Variants in WWOX observed in about 807,000 individuals in gnomAD.
The protein encoded by WWOX is WW domain-containing oxidoreductase.
A neutral mutation model predicts 46.2 loss-of-function variants in WWOX; 69 were observed. That is an observed-to-expected ratio of 1.49 (90% CI 1.23 to 1.82). WWOX has a LOEUF of 1.82. WWOX is among the 40% of genes most tolerant of loss of function. The probability of loss-of-function intolerance (pLI) is 0.00; values close to 1 mark genes in which losing one functional copy is unlikely to be tolerated. For synonymous variants in WWOX, 359 were observed against 202.6 expected, an observed-to-expected ratio of 1.77 and a Z score of -6.56; for missense variants, 919 against 542.6, an observed-to-expected ratio of 1.69 and a Z score of -6.89.
At chr16:78,585,890 A>G (rs926933324) in intron 8 of WWOX, among the ~76,000 whole-genome samples, 7 of 151,762 alleles carry the variant, frequency 4.6e-5, no homozygotes, top group Non-Finnish European at 1.0e-4. Flanking sequence ...CAAGCTGCGC[A>G]TCTTCCTTCC....
At chr16:78,599,273 G>A (rs1209933190) in intron 8 of WWOX, among the ~76,000 whole-genome samples, 1 of 152,194 alleles carries the variant, frequency 6.6e-6, no homozygotes, top group Non-Finnish European at 1.5e-5. Flanking sequence ...AGCTTTGTCT[G>A]TGAACCTCCG....
chr16:78,482,325 G>A (rs1014120768), intron 8 of WWOX, among the ~76,000 whole-genome samples: 7 of 151,988 alleles, frequency 4.6e-5, no homozygotes, highest in Non-Finnish European at 1.0e-4. Flanking sequence ...AACCTCTGTC[G>A]ATTCTCCTTC....
intron 5 of WWOX, among the ~76,000 whole-genome samples, chr16:78,269,559 T>A (rs945640176): frequency 2.0e-5 from 3 of 152,184 alleles, no homozygotes; most frequent in African/African-American, 7.2e-5. Flanking sequence ...GACTCGGAGA[T>A]CAGCAGTCCG....
intron 8 of WWOX, among the ~76,000 whole-genome samples, chr16:79,060,031 G>A (rs2048330946): frequency 6.6e-6 from 1 of 152,102 alleles, no homozygotes; most frequent in South Asian, 2.1e-4. Flanking sequence ...GTACAAAGCT[G>A]ATAAATAACT....
chr16:78,912,583 T>C (rs2045140447), intron 8 of WWOX, among the ~76,000 whole-genome samples: 1 of 152,052 alleles, frequency 6.6e-6, no homozygotes, highest in African/African-American at 2.4e-5. Context: ...TCCCCAGCAC[T>C]GTAATTTAGT....
chr16:78,626,647 C>A (rs556375142), intron 8 of WWOX, among the ~76,000 whole-genome samples: 1 of 152,274 alleles, frequency 6.6e-6, no homozygotes, highest in Admixed American at 6.5e-5. Context: ...CCTCTACTTT[C>A]CACACTGCTG....
intron 8 of WWOX, among the ~76,000 whole-genome samples, chr16:78,560,371 G>T (rs28657500): frequency 6.6e-6 from 1 of 152,136 alleles, no homozygotes; most frequent in Non-Finnish European, 1.5e-5. Flanking sequence ...GGCCAGGTGC[G>T]GTGGCTCACG....
At chr16:78,414,097 G>C (rs1321848266) in intron 6 of WWOX, among the ~76,000 whole-genome samples, 1 of 151,796 alleles carries the variant, frequency 6.6e-6, no homozygotes, top group African/African-American at 2.4e-5. Flanking sequence ...TCCTGAGGCA[G>C]TGAGTCTCAG....
intron 8 of WWOX, among the ~76,000 whole-genome samples, chr16:78,705,781 A>G (rs1397537950): frequency 6.6e-6 from 1 of 152,226 alleles, no homozygotes; most frequent in Non-Finnish European, 1.5e-5. Context: ...TTGTGCACAC[A>G]TACATTGAAA....
intron 4 of WWOX, among the ~76,000 whole-genome samples, chr16:78,120,763 G>T (rs1256526726): frequency 6.6e-6 from 1 of 152,086 alleles, no homozygotes; most frequent in East Asian, 1.9e-4. Flanking sequence ...TTGTCACCAC[G>T]ATGAATTCAT....
At chr16:79,162,682 A>G (rs2050510653) in intron 8 of WWOX, among the ~76,000 whole-genome samples, 2 of 152,254 alleles carry the variant, frequency 1.3e-5, no homozygotes, top group Middle Eastern at 3.4e-3. Context: ...AGATCATGCC[A>G]AGGTCCTGTG....
At chr16:78,971,306 A>T (rs912540816) in intron 8 of WWOX, among the ~76,000 whole-genome samples, 2 of 151,942 alleles carry the variant, frequency 1.3e-5, no homozygotes, top group Admixed American at 1.3e-4. Flanking sequence ...TCTACTAAAA[A>T]TACAAAAATT....
At chr16:78,923,069 C>A (rs973741139) in intron 8 of WWOX, among the ~76,000 whole-genome samples, 1 of 150,978 alleles carries the variant, frequency 6.6e-6, no homozygotes, top group African/African-American at 2.4e-5. Flanking sequence ...TCAACCTCTG[C>A]CTCTTGGGTT....
rs1567670156 is a variant in WWOX, at chr16:78,597,781, A to AT, written c.1056+165029_1056+165030insT. Among the ~76,000 whole-genome samples, 364 of 133,200 alleles carry AT rather than the reference A, an allele frequency of 2.7e-3. 3 individuals are homozygous for AT. Among genetic ancestry groups the AT allele is most frequent in the South Asian group, 0.012 (57 of 4,688 alleles). 87.4% of individuals were successfully genotyped at this position (133,200 alleles called of 152,430 possible). On this transcript the variant is annotated intron_variant, in intron 8 of 8. Transcript: ENST00000566780. ...ATGTGTATATATATATATATATATAAAATATATTTCCATGAATATACTGAA... is the reference window on the plus strand; with the variant it reads ...ATGTGTATATATATATATATATATAATAATATATTTCCATGAATATACTGAA...
intron 8 of WWOX, among the ~76,000 whole-genome samples, chr16:79,099,572 G>C (rs868123968): frequency 4.7e-5 from 7 of 147,530 alleles, no homozygotes; most frequent in Middle Eastern, 3.5e-3. Flanking sequence ...GATTGTGTGT[G>C]CGTGTGTGTG....
chr16:78,720,118 C>T (rs549868055), intron 8 of WWOX, among the ~76,000 whole-genome samples: 2 of 152,262 alleles, frequency 1.3e-5, no homozygotes, highest in East Asian at 3.9e-4. Context: ...ACTCTTGCTT[C>T]TTGGTCTTAC....
chr16:78,867,484 TTG>T (rs4035599), intron 8 of WWOX, among the ~76,000 whole-genome samples: 44,683 of 148,764 alleles, frequency 0.3, 6,953 homozygotes, highest in South Asian at 0.49. Flanking sequence ...TTAAATGATT[TTG>T]TGTGTGTGTG....
intron 6 of WWOX, among the ~76,000 whole-genome samples, chr16:78,422,660 C>CATATATATATATATATATATATAT (rs1388283094): frequency 1.5e-4 from 1 of 6,524 alleles, no homozygotes; most frequent in Non-Finnish European, 5.8e-4. Flanking sequence ...GTTTTTTTTA[C>CATATATATATATATATATATATAT]ATGTATATAT....
At chr16:78,842,737 A>C (rs1484422663) in intron 8 of WWOX, among the ~76,000 whole-genome samples, 1 of 152,034 alleles carries the variant, frequency 6.6e-6, no homozygotes, top group African/African-American at 2.4e-5. Context: ...CTGTAGCCGC[A>C]GCTACTCAGG....
Sources: allele counts gnomAD v4.1 joint callset (sites outside exome capture counted in the v4.1 genomes callset), GRCh38; gene constraint gnomAD v4.1.1; transcripts MANE v1.5; gene names NCBI Gene and HGNC (gene_info 2026-07-23, HGNC 2026-07-21).